TPRG1: variants seen among roughly 807,000 people sequenced by gnomAD.
TPRG1 encodes the protein tumor protein p63-regulated gene 1 protein.
Under a neutral mutation model 29.3 loss-of-function variants are expected in TPRG1, and 29 were observed. The ratio of observed to expected loss-of-function variants is 0.99; its 90% CI spans 0.74 to 1.35. The LOEUF is 1.35. Ranked by LOEUF, TPRG1 falls within the 40% of genes most tolerant of loss-of-function variation. TPRG1 has a pLI of 0.00. For synonymous variants in TPRG1, 130 were observed against 116.8 expected, an observed-to-expected ratio of 1.11 and a Z score of -0.73; for missense variants, 327 against 335.0, an observed-to-expected ratio of 0.98 and a Z score of 0.19.
At chr3:189,021,984 A>G (rs938043949) in intron 3 of TPRG1, among the ~76,000 whole-genome samples, 73 of 151,756 alleles carry the variant, frequency 4.8e-4, no homozygotes, top group Admixed American at 3.9e-3. Context: ...CATTCATTTC[A>G]TCTTCCATTA....
chr3:189,316,558 A>G (rs1480626887), intron 5 of TPRG1, among the ~76,000 whole-genome samples: 1 of 152,184 alleles, frequency 6.6e-6, no homozygotes, highest in Non-Finnish European at 1.5e-5. Context: ...CTGAGACTCC[A>G]GGCAATGAAC....
At chr3:189,103,066 G>A (rs951038197) in intron 1 of TPRG1, among the ~76,000 whole-genome samples, 1 of 152,134 alleles carries the variant, frequency 6.6e-6, no homozygotes, top group African/African-American at 2.4e-5. Context: ...ACCTATTTCT[G>A]CCAATCAATT....
At chr3:189,070,091 A>G (rs1716718746) in intron 4 of TPRG1, among the ~76,000 whole-genome samples, 1 of 152,198 alleles carries the variant, frequency 6.6e-6, no homozygotes, top group Admixed American at 6.5e-5. Flanking sequence ...AAAAAAGAAA[A>G]AAAGGAAAAA....
intron 4 of TPRG1, among the ~76,000 whole-genome samples, chr3:189,296,633 G>A (rs1719972910): frequency 6.6e-6 from 1 of 152,124 alleles, no homozygotes; most frequent in Non-Finnish European, 1.5e-5. Context: ...TAGAAATAAG[G>A]ACATTGGAAA....
chr3:189,063,536 T>G (rs961431821), intron 4 of TPRG1, among the ~76,000 whole-genome samples: 7 of 152,040 alleles, frequency 4.6e-5, no homozygotes, highest in African/African-American at 1.7e-4. Context: ...CTCAACAAAT[T>G]TATAAGAACT....
At chr3:189,069,257 A>G (rs559315036) in intron 4 of TPRG1, among the ~76,000 whole-genome samples, 37 of 152,312 alleles carry the variant, frequency 2.4e-4, no homozygotes, top group African/African-American at 8.9e-4. Flanking sequence ...CAATTCCAGA[A>G]GTTATATTTT....
chr3:189,060,459 A>T (rs998472214), intron 4 of TPRG1, among the ~76,000 whole-genome samples: 1 of 152,150 alleles, frequency 6.6e-6, no homozygotes, highest in Non-Finnish European at 1.5e-5. Flanking sequence ...CAGGTAAGAG[A>T]AAGAAATAAA....
chr3:189,174,007 G>A (rs904592119), intron 1 of TPRG1, among the ~76,000 whole-genome samples: 1 of 152,138 alleles, frequency 6.6e-6, no homozygotes, highest in African/African-American at 2.4e-5. Context: ...TGGGGAGATG[G>A]GCAAGAGGTG....
chr3:189,204,947 T>TCTCTCACACA (rs766857963), intron 1 of TPRG1, among the ~76,000 whole-genome samples: 8 of 147,068 alleles, frequency 5.4e-5, no homozygotes, highest in African/African-American at 1.5e-4. Flanking sequence ...TCTCTCTCTC[T>TCTCTCACACA]CACACACACA....
intron 5 of TPRG1, among the ~76,000 whole-genome samples, chr3:189,165,362 C>A (rs73055454): frequency 0.011 from 1,616 of 142,586 alleles, 30 homozygotes; most frequent in African/African-American, 0.038. Context: ...TTTGTACAGT[C>A]TATTCTGGGT....
At chr3:189,233,591 G>T (rs16864128) in intron 3 of TPRG1, among the ~76,000 whole-genome samples, 1 of 152,210 alleles carries the variant, frequency 6.6e-6, no homozygotes, top group African/African-American at 2.4e-5. Context: ...AGACTCCTTC[G>T]CCAGGGAAGA....
Position 189,120,818 on chromosome 3 carries a change from G to A in TPRG1, c.-743-6239G>A, listed in dbSNP as rs116485837. On this transcript the variant is annotated intron_variant, in intron 1 of 6. Coordinates refer to the TPRG1 transcript ENST00000412373. ...CCTCGATATAGGTCAATAAATTTTG[G>A]TGTGTGTTTTGAAAATCTTCTAAAT... 4.2e-3 allele frequency among the ~76,000 whole-genome samples: 645 copies of A among 152,304 alleles called. 5 individuals carry two copies. The highest frequency in any genetic ancestry group is 0.015 in the African/African-American group (620 of 41,564).
intron 5 of TPRG1, among the ~76,000 whole-genome samples, chr3:189,318,372 GA>G (rs1360964366): frequency 6.6e-6 from 1 of 152,002 alleles, no homozygotes; most frequent in East Asian, 1.9e-4. Flanking sequence ...ACACATAAGA[GA>G]AAAAAAGGTC....
At chr3:189,126,985 A>G (rs1722571223) in intron 1 of TPRG1, 1 of 152,188 alleles carries the variant, frequency 6.6e-6, no homozygotes, top group Non-Finnish European at 1.5e-5. Context: ...CCTGTAAAAC[A>G]ACATATAAAC....
At chr3:189,073,074 TTTG>T (rs1716905447) in intron 4 of TPRG1, among the ~76,000 whole-genome samples, 1 of 152,156 alleles carries the variant, frequency 6.6e-6, no homozygotes, top group Non-Finnish European at 1.5e-5. Flanking sequence ...TGAGTACTGG[TTTG>T]TTTAGTGGGA....
intron 3 of TPRG1, among the ~76,000 whole-genome samples, chr3:189,217,674 C>T (rs1035075937): frequency 3.3e-5 from 5 of 152,158 alleles, no homozygotes; most frequent in African/African-American, 9.7e-5. Flanking sequence ...TTCCGAGATG[C>T]ATTATGCAAT....
chr3:189,241,305 C>T (rs538776378), intron 4 of TPRG1, among the ~76,000 whole-genome samples: 13 of 152,198 alleles, frequency 8.5e-5, no homozygotes, highest in African/African-American at 2.6e-4. Flanking sequence ...AAAGAAAAGT[C>T]TCTTATTTGG....
rs2108943697 is a variant in TPRG1 at position 189,238,760 on chromosome 3, G to A, written c.330G>A (p.Glu110=). 1 of 1,613,040 alleles carries A rather than the reference G, an allele frequency of 6.2e-7. No individual in the cohort carries two copies. Among genetic ancestry groups the A allele is most frequent in the East Asian group, 2.2e-5 (1 of 44,866 alleles). Residue 110 remains glutamate, a synonymous_variant, in exon 4 of 6, where the codon GAG becomes GAA. Coordinates refer to ENST00000345063, the MANE Select transcript of TPRG1 (RefSeq NM_198485.4). ...TAGACCACTGGAACAATGAGAAGGA[G>A]AGAATTCTACTGGTCACAGACAAGA... is the stretch of plus-strand genomic sequence containing the variant. ...TKIDHWNNEK[E]RILLVTDKTL... is the part of the protein sequence containing the mutation.
chr3:189,315,328 G>A (rs1333840118), intron 5 of TPRG1, among the ~76,000 whole-genome samples: 1 of 151,732 alleles, frequency 6.6e-6, no homozygotes, highest in African/African-American at 2.4e-5. Flanking sequence ...GGGGGGGTGA[G>A]AAAGAGAGAG....
Sources: allele counts gnomAD v4.1 joint callset (sites outside exome capture counted in the v4.1 genomes callset), GRCh38; gene constraint gnomAD v4.1.1; transcripts MANE v1.5; gene names NCBI Gene and HGNC (gene_info 2026-07-23, HGNC 2026-07-21).